The following DNAI1 variants were observed in gnomAD, a reference collection of about 807,000 sequenced individuals.
DNAI1 encodes dynein, axonemal, intermediate polypeptide 1.
DNAI1 carries 67 observed loss-of-function variants against 92.0 expected under a neutral mutation model. That is an observed-to-expected ratio of 0.73 (90% CI 0.60 to 0.89). DNAI1 has a LOEUF of 0.89. Among genes scored for constraint, DNAI1 ranks in the 40% least tolerant of loss-of-function variants. DNAI1 has a pLI of 0.00. For synonymous variants in DNAI1, 323 were observed against 319.6 expected (o/e 1.01, Z -0.11); for missense variants, 839 against 866.6 (o/e 0.97, Z 0.40).
chr9:34,492,493 G>GATAGATAGATATATATATATATATATAT (rs1554688186), intron 8 of DNAI1, among the ~76,000 whole-genome samples: 3 of 68,268 alleles, frequency 4.4e-5, no homozygotes, highest in Non-Finnish European at 9.2e-5. Flanking sequence ...GGGATATGAA[G>GATAGATAGATATATATATATATATATAT]ATATATATAT....
intron 12 of DNAI1, among the ~76,000 whole-genome samples, chr9:34,504,425 G>A (rs1367224877): frequency 6.6e-6 from 1 of 152,048 alleles, no homozygotes; most frequent in South Asian, 2.1e-4. Flanking sequence ...ATCACTCCTC[G>A]GCTGCGGGCT....
chr9:34,488,045 G>A, intron 4 of DNAI1: 1 of 383,880 alleles, frequency 2.6e-6, no homozygotes, highest in Non-Finnish European at 5.1e-6. Context: ...AACTGTAAGG[G>A]TAATTTATTC....
chr9:34,485,552 C>G lies in DNAI1; in HGVS notation c.261+35C>G, dbSNP rs377432952. On this transcript the variant is annotated intron_variant, in intron 4 of 19. Transcript: ENST00000242317. ...CCCCTCCTGGGCAGGGGCATCTATA[C>G]CCATCTCCTTGGAGTGACAGTGACT... The G allele has an allele frequency of 6.3e-6, 10 of 1,594,474 alleles. 1 individual carries two copies. Among genetic ancestry groups the G allele is most frequent in the Non-Finnish European group, 7.7e-6 (9 of 1,163,014 alleles).
intron 1 of DNAI1, among the ~76,000 whole-genome samples, chr9:34,466,847 A>C (rs10117513): frequency 0.025 from 3,784 of 152,220 alleles, 167 homozygotes; most frequent in African/African-American, 0.087. Context: ...TCATAATTTT[A>C]GTCTGTTTCC....
At chr9:34,511,253 CG>C (rs1825059748) in intron 13 of DNAI1, among the ~76,000 whole-genome samples, 1 of 152,234 alleles carries the variant, frequency 6.6e-6, no homozygotes, top group Admixed American at 6.5e-5. Context: ...GAGTCTCAAG[CG>C]TGTCATCTTC....
intron 8 of DNAI1, among the ~76,000 whole-genome samples, chr9:34,492,741 G>T (rs1824634587): frequency 6.6e-6 from 1 of 151,348 alleles, no homozygotes; most frequent in Non-Finnish European, 1.5e-5. Context: ...GGCTGGTCTT[G>T]AACTCCTGGG....
At chr9:34,519,902 T>C (rs1825236885) in intron 19 of DNAI1, among the ~76,000 whole-genome samples, 1 of 152,178 alleles carries the variant, frequency 6.6e-6, no homozygotes, top group Non-Finnish European at 1.5e-5. Flanking sequence ...GGACTGGTGC[T>C]GGTCTGCCAA....
At chr9:34,517,879 G>A (rs977163205) in intron 19 of DNAI1, among the ~76,000 whole-genome samples, 3 of 152,208 alleles carry the variant, frequency 2.0e-5, no homozygotes, top group Admixed American at 6.5e-5. Flanking sequence ...TCCCTGAGCT[G>A]GGAGCTGTGG....
chr9:34,482,850 G>A (rs899116674), intron 1 of DNAI1, among the ~76,000 whole-genome samples: 1 of 152,250 alleles, frequency 6.6e-6, no homozygotes, highest in Admixed American at 6.5e-5. Context: ...CCGCACAAGA[G>A]CCCATGGAGT....
At chr9:34,493,713 A>C (rs558876557) in intron 9 of DNAI1, among the ~76,000 whole-genome samples, 1 of 152,102 alleles carries the variant, frequency 6.6e-6, no homozygotes, top group Non-Finnish European at 1.5e-5. Flanking sequence ...TGGGAAAGTG[A>C]GATGTTTTTT....
chr9:34,502,285 G>C (rs1179130167), intron 12 of DNAI1, among the ~76,000 whole-genome samples: 2 of 152,160 alleles, frequency 1.3e-5, no homozygotes, highest in Non-Finnish European at 2.9e-5. Context: ...CACTCCTGAG[G>C]GTGGGCTGCT....
chr9:34,501,324 A>G (rs1824827153), intron 12 of DNAI1, 143 bp downstream of exon 12: 1 of 751,298 alleles, frequency 1.3e-6, no homozygotes. Flanking sequence ...GAAGACCCAC[A>G]ATCCTACTGG....
chr9:34,520,826 C>G lies in DNAI1; in HGVS notation c.*70C>G. 1 of 1,450,932 alleles carries G rather than the reference C, an allele frequency of 6.9e-7. No homozygotes were observed. Among genetic ancestry groups the G allele is most frequent in the Non-Finnish European group, 9.5e-7 (1 of 1,055,756 alleles). 89.9% of individuals were successfully genotyped at this position (1,450,932 alleles called of 1,614,324 possible). Reference sequence around the variant, plus strand: ...CTAGGGCTTGACCCTGGTACCCAGCCCAGCCTTAGCACCCAGCATGTGACC... The same window carrying G: ...CTAGGGCTTGACCCTGGTACCCAGCGCAGCCTTAGCACCCAGCATGTGACC... On this transcript the variant is annotated 3_prime_UTR_variant, in exon 20 of 20. Coordinates refer to ENST00000242317, the MANE Select transcript of DNAI1 (RefSeq NM_012144.4).
chr9:34,471,336 G>A (rs1328043644), intron 1 of DNAI1, among the ~76,000 whole-genome samples: 2 of 151,714 alleles, frequency 1.3e-5, no homozygotes, highest in Admixed American at 6.6e-5. Flanking sequence ...GAGGTGGGAG[G>A]GTCGCTTAAG....
At chr9:34,473,844 C>T (rs1159347883) in intron 1 of DNAI1, among the ~76,000 whole-genome samples, 1 of 151,976 alleles carries the variant, frequency 6.6e-6, no homozygotes, top group Non-Finnish European at 1.5e-5. Context: ...CCCACCTCAG[C>T]CTCCCAAGTA....
intron 8 of DNAI1, 117 bp downstream of exon 8, chr9:34,491,671 C>T: frequency 9.2e-7 from 1 of 1,083,926 alleles, no homozygotes; most frequent in Non-Finnish European, 1.4e-6. Flanking sequence ...CCCTCCTCAT[C>T]TACTTGCCTC....
At position 34,520,611 on chromosome 9, in the gene DNAI1, G is replaced by C. The variant is rs771944907; in HGVS notation, c.2002-47G>C. The C allele has an allele frequency of 9.9e-6, 15 of 1,509,668 alleles. No homozygotes were observed. In the African/African-American group the frequency reaches 1.5e-4, roughly 15 times the overall value. The allele number at this position is 1,509,668 out of a possible 1,614,324, so 93.5% of individuals were successfully genotyped here. ...AGGAGGTGGTGCTGGGACCCAGAGA[G>C]GGGGGGCCCACCATTCCTCCCTCAT... On this transcript the variant is annotated intron_variant, in intron 19 of 19. Transcript: ENST00000242317.
chr9:34,495,534 CTT>C (rs1328663285), intron 9 of DNAI1, among the ~76,000 whole-genome samples: 1 of 152,188 alleles, frequency 6.6e-6, no homozygotes, highest in African/African-American at 2.4e-5. Context: ...TAACATAACA[CTT>C]TTGTGCTACT....
At chr9:34,487,199 T>C (rs1487692299) in intron 4 of DNAI1, among the ~76,000 whole-genome samples, 1 of 152,082 alleles carries the variant, frequency 6.6e-6, no homozygotes, top group Non-Finnish European at 1.5e-5. Context: ...TTTTTTTTTT[T>C]TGAGACTGCG....
Sources: allele counts gnomAD v4.1 joint callset (sites outside exome capture counted in the v4.1 genomes callset), GRCh38; gene constraint gnomAD v4.1.1; transcripts MANE v1.5; gene names NCBI Gene and HGNC (gene_info 2026-07-23, HGNC 2026-07-21).